The following WDR33 variants were observed in gnomAD, a reference collection of about 807,000 sequenced individuals.
The protein encoded by WDR33 is pre-mRNA 3' end processing protein WDR33.
Under a neutral mutation model 164.9 loss-of-function variants are expected in WDR33, and 47 were observed. The observed-to-expected ratio is 0.29, with a 90% confidence interval of 0.23 to 0.36. WDR33 has a LOEUF of 0.36. WDR33 is among the 10% of genes least tolerant of loss of function. The pLI, the probability that WDR33 is intolerant of heterozygous loss-of-function variation, is 1.00. For missense variants in WDR33, 1,137 were observed against 1,754.1 expected (o/e 0.65, Z 6.28); for synonymous variants, 505 against 589.0 (o/e 0.86, Z 2.06).
intron 1 of WDR33, among the ~76,000 whole-genome samples, chr2:127,781,699 A>C (rs1688374289): frequency 6.6e-6 from 1 of 152,156 alleles, no homozygotes; most frequent in African/African-American, 2.4e-5. Context: ...AGCTGGTTAA[A>C]AAAAAAATCC....
intron 7 of WDR33, chr2:127,762,569 CT>C (rs11285061): frequency 0.11 from 111,873 of 985,626 alleles, 7,088 homozygotes; most frequent in African/African-American, 0.23. Context: ...GCCACCCGAA[CT>C]TAGTAACAAG....
chr2:127,784,223 T>C (rs1688480953), intron 1 of WDR33, among the ~76,000 whole-genome samples: 1 of 152,094 alleles, frequency 6.6e-6, no homozygotes, highest in African/African-American at 2.4e-5. Flanking sequence ...ATATGAAATA[T>C]ATTATGAAAA....
Position 127,722,835 on chromosome 2 carries a change from A to G in WDR33, c.1379-105T>C. On this transcript the variant is annotated intron_variant, in intron 13 of 21. Coordinates refer to ENST00000322313, the MANE Select transcript of WDR33 (RefSeq NM_018383.5). The surrounding 1 kb of genome is among the most constrained non-coding windows in gnomAD (Gnocchi z 5.1). ...ATAGATTTTAAGTATTATGTCATTT[A>G]TATAATTTTTATCAACATTTCTCAA... 1.4e-6 allele frequency: 2 copies of G among 1,418,496 alleles called. No individual in the cohort carries two copies. The allele number at this position is 1,418,496 out of a possible 1,614,324, so 87.9% of individuals were successfully genotyped here.
chr2:127,798,735 C>T (rs139964150), intron 1 of WDR33, among the ~76,000 whole-genome samples: 5 of 151,942 alleles, frequency 3.3e-5, no homozygotes, highest in African/African-American at 9.7e-5. Context: ...ATTAGAGATA[C>T]GATGAACTGA....
At position 127,764,727 on chromosome 2, in the gene WDR33, G is replaced by A. The variant is rs369619546; in HGVS notation, c.626+101C>T. On this transcript the variant is annotated intron_variant, in intron 6 of 21. Coordinates refer to ENST00000322313, the MANE Select transcript of WDR33 (RefSeq NM_018383.5). This position sits in a 1 kb window ranked among gnomAD's most constrained non-coding sequence, Gnocchi z 6.2. The stretch of plus-strand genomic sequence containing the variant: ...TTTATAGGGTGCAGAAAGTTTCCCA[G>A]AAACTGACAGAGCCCATGCATCTCT... 303 of 1,614,076 alleles carry A rather than the reference G, an allele frequency of 1.9e-4. 2 individuals carry two copies. The African/African-American group carries it at 3.4e-3, about 18-fold the overall frequency.
intron 1 of WDR33, among the ~76,000 whole-genome samples, chr2:127,805,056 G>C (rs1314825901): frequency 7.1e-6 from 1 of 139,932 alleles, no homozygotes; most frequent in Non-Finnish European, 1.5e-5. Flanking sequence ...ATCATCACCT[G>C]TGAAGTTTTT....
At position 127,718,552 on chromosome 2, in the gene WDR33, G is replaced by A. The variant is rs550012138; in HGVS notation, c.2760+713C>T. 2.4e-4 allele frequency among the ~76,000 whole-genome samples: 36 copies of A among 152,186 alleles called. No individual in the cohort carries two copies. The South Asian group carries it at 5.2e-3, about 22-fold the overall frequency. On this transcript the variant is annotated intron_variant, in intron 16 of 21. Coordinates refer to ENST00000322313, the MANE Select transcript of WDR33 (RefSeq NM_018383.5). The surrounding 1 kb of genome is among the most constrained non-coding windows in gnomAD (Gnocchi z 4.4). ...ACCATCTCTCAAGCACGAGCTCAGC[G>A]CATGAGCAATAAAAATTGGCTAACA...
chr2:127,709,966 G>A lies in WDR33; in HGVS notation c.3309-110C>T. The A allele has an allele frequency of 8.1e-6, 11 of 1,353,014 alleles. No homozygotes were observed. The highest frequency in any genetic ancestry group is 4.2e-5 in the South Asian group (3 of 71,230). The allele number at this position is 1,353,014 out of a possible 1,614,324, so 83.8% of individuals were successfully genotyped here. A position where few individuals can be genotyped will look rare whatever the true frequency, so the allele number is the denominator to read the frequency against. On this transcript the variant is annotated intron_variant, in intron 18 of 21. Coordinates refer to ENST00000322313, the MANE Select transcript of WDR33 (RefSeq NM_018383.5). The surrounding 1 kb of genome is among the most constrained non-coding windows in gnomAD (Gnocchi z 5.0). ...GAAAGCATGATACAATGTTAATTGG[G>A]AGGAAAACAAAATAAAACTATATAT...
chr2:127,769,018 TA>T lies in WDR33; in HGVS notation c.205-18del, dbSNP rs778312127. The T allele has an allele frequency of 1.6e-6, 2 of 1,243,870 alleles. No individual in the cohort carries two copies. Among genetic ancestry groups the T allele is most frequent in the Non-Finnish European group, 2.1e-6 (2 of 951,744 alleles). 77.1% of individuals were successfully genotyped at this position (1,243,870 alleles called of 1,614,324 possible). A position where few individuals can be genotyped will look rare whatever the true frequency, so the allele number is the denominator to read the frequency against. On this transcript the variant is annotated intron_variant, in intron 2 of 21. Coordinates refer to ENST00000322313, the MANE Select transcript of WDR33 (RefSeq NM_018383.5). ...TATTCTGTTCTGTTAAATAAATAAA[TA>T]AATAAATAAATAAATAAATAGATCA...
At chr2:127,788,539 C>A (rs1195894210) in intron 1 of WDR33, among the ~76,000 whole-genome samples, 14 of 127,442 alleles carry the variant, frequency 1.1e-4, no homozygotes, top group Non-Finnish European at 2.0e-4. Context: ...CCCCCATCTC[C>A]CTCCCGGACG....
At position 127,720,297 on chromosome 2, in the gene WDR33, G is replaced by C. The variant is rs767579603; in HGVS notation, c.1728C>G (p.Pro576=). The C allele has an allele frequency of 8.0e-5, 122 of 1,517,130 alleles. No individual in the cohort carries two copies. The highest frequency in any genetic ancestry group is 1.1e-4 in the Non-Finnish European group (120 of 1,133,522). The allele number at this position is 1,517,130 out of a possible 1,614,324, so 94.0% of individuals were successfully genotyped here. Residue 576 remains proline (P), a synonymous_variant, in exon 16 of 22, where the codon CCC becomes CCG. Transcript: ENST00000322313. The surrounding 1 kb of genome is among the most constrained non-coding windows in gnomAD (Gnocchi z 5.9). The part of the protein sequence containing the change: ...QKQVEQIQPP[P]SSGTPLLGPQ... Reference sequence around the variant, plus strand: ...GTCCGAGGAGAGGGGTGCCAGATGAGGGAGGAGGCTGAATTTGCTCAACTT... The same window carrying C: ...GTCCGAGGAGAGGGGTGCCAGATGACGGAGGAGGCTGAATTTGCTCAACTT...
chr2:127,775,387 C>G (rs1688154315), intron 1 of WDR33, among the ~76,000 whole-genome samples: 1 of 152,146 alleles, frequency 6.6e-6, no homozygotes, highest in African/African-American at 2.4e-5. Flanking sequence ...CGGGGTTTTG[C>G]CATGTTGGTC....
chr2:127,769,326 A>G lies in WDR33; in HGVS notation c.205-325T>C, dbSNP rs543515610. 1.4e-4 allele frequency among the ~76,000 whole-genome samples: 21 copies of G among 152,170 alleles called. No individual in the cohort carries two copies. The East Asian group carries it at 3.9e-3, about 28-fold the overall frequency. On this transcript the variant is annotated intron_variant, in intron 2 of 21. Transcript: ENST00000322313. ...AACATGGTGAAACCCTGTCTCTACTAAAACTACAAGCCAGAAATCACTTGA... is the reference window on the plus strand; with the variant it reads ...AACATGGTGAAACCCTGTCTCTACTGAAACTACAAGCCAGAAATCACTTGA...
intron 1 of WDR33, among the ~76,000 whole-genome samples, chr2:127,780,764 G>C (rs569638388): frequency 1.8e-4 from 28 of 152,290 alleles, no homozygotes; most frequent in African/African-American, 6.5e-4. Flanking sequence ...TTGAGCCCAG[G>C]AGTTTGAGAC....
chr2:127,802,167 CA>C lies in WDR33; in HGVS notation c.-24+8844del, dbSNP rs557960851. Among the ~76,000 whole-genome samples the C allele has an allele frequency of 5.2e-3, 646 of 124,930 alleles. 1 individual carries two copies. Among genetic ancestry groups the C allele is most frequent in the East Asian group, 0.016 (68 of 4,236 alleles). The allele number at this position is 124,930 out of a possible 152,430, so 82.0% of individuals were successfully genotyped here. A position where few individuals can be genotyped will look rare whatever the true frequency, so the allele number is the denominator to read the frequency against. ...TGGAGGAGAGAGCAAGACTCCGACT[CA>C]AAAAAAAAAAATTAAGACAGTAAAA... On this transcript the variant is annotated intron_variant, in intron 1 of 21. Coordinates refer to ENST00000322313, the MANE Select transcript of WDR33 (RefSeq NM_018383.5).
rs1685963748 is a variant in WDR33, at chr2:127,704,413, C to T, written c.*1910G>A. The T allele has an allele frequency of 6.0e-6, 1 of 166,874 alleles. No individual in the cohort carries two copies. Among genetic ancestry groups the T allele is most frequent in the African/African-American group, 2.4e-5 (1 of 41,406 alleles). 10.3% of individuals were successfully genotyped at this position (166,874 alleles called of 1,614,324 possible). A position where few individuals can be genotyped will look rare whatever the true frequency, so the allele number is the denominator to read the frequency against. On this transcript the variant is annotated 3_prime_UTR_variant, in exon 22 of 22. Transcript: ENST00000322313. Reference sequence around the variant, plus strand: ...ATAATGAAAATTTTTCCACTAGAATCTCAGGGAAAAAAAGTCTAATCTTGA... The same window carrying T: ...ATAATGAAAATTTTTCCACTAGAATTTCAGGGAAAAAAAGTCTAATCTTGA...
At chr2:127,781,026 A>T (rs1352385435) in intron 1 of WDR33, among the ~76,000 whole-genome samples, 1 of 151,908 alleles carries the variant, frequency 6.6e-6, no homozygotes, top group East Asian at 1.9e-4. Flanking sequence ...ACACCCGGCT[A>T]ATTTTTTTCG....
intron 1 of WDR33, among the ~76,000 whole-genome samples, chr2:127,775,437 C>A (rs989557444): frequency 6.6e-6 from 1 of 152,188 alleles, no homozygotes; most frequent in Non-Finnish European, 1.5e-5. Context: ...GATCCACCGG[C>A]CTTGGCCTCC....
At chr2:127,731,956 T>C (rs1211041486) in intron 7 of WDR33, among the ~76,000 whole-genome samples, 1 of 152,072 alleles carries the variant, frequency 6.6e-6, no homozygotes, top group Non-Finnish European at 1.5e-5. Context: ...AATATGGTGG[T>C]GCACACCCAT....
Sources: gnomAD v4.1 joint callset for allele counts (sites outside exome capture counted in the v4.1 genomes callset) on GRCh38, gnomAD v4.1.1 for gene constraint, Gnocchi (gnomAD v3.1) non-coding constraint, MANE v1.5 for transcripts, NCBI Gene and HGNC (gene_info 2026-07-23, HGNC 2026-07-21) for gene names.